Variants in PBX3 observed in about 807,000 individuals in gnomAD.
PBX3 encodes the protein pre-B-cell leukemia transcription factor 3.
PBX3 carries 14 observed loss-of-function variants against 48.5 expected under a neutral mutation model. The ratio of observed to expected loss-of-function variants is 0.29; its 90% confidence interval spans 0.19 to 0.45. The LOEUF is 0.45. PBX3 is among the 20% of genes least tolerant of loss of function. The probability of loss-of-function intolerance (pLI) is 1.00; values close to 1 mark genes in which losing one functional copy is unlikely to be tolerated. For synonymous variants in PBX3, 210 were observed against 200.3 expected (o/e 1.05, Z -0.41); for missense variants, 386 against 546.7 (o/e 0.71, Z 2.93).
intron 5 of PBX3, among the ~76,000 whole-genome samples, chr9:125,959,305 T>C (rs1842376026): frequency 6.6e-6 from 1 of 152,254 alleles, no homozygotes; most frequent in Non-Finnish European, 1.5e-5. Flanking sequence ...ATTTACTTCC[T>C]GATGGGCTTT....
At chr9:125,872,185 C>T (rs1006671894) in intron 2 of PBX3, among the ~76,000 whole-genome samples, 1 of 151,976 alleles carries the variant, frequency 6.6e-6, no homozygotes, top group African/African-American at 2.4e-5. Context: ...ATAGAAGAAA[C>T]AAAAGCAGGG....
intron 2 of PBX3, among the ~76,000 whole-genome samples, chr9:125,866,218 T>C (rs965898578): frequency 1.3e-5 from 2 of 152,198 alleles, no homozygotes; most frequent in African/African-American, 4.8e-5. Flanking sequence ...TATCTTTCCA[T>C]GTTAGCAAGT....
chr9:125,962,187 C>G lies in PBX3; in HGVS notation c.1095C>G (p.Ser365=). Residue 365 remains serine, a synonymous_variant, in exon 7 of 9, where the codon TCC becomes TCG. Transcript: ENST00000373489. ...QSLNGDSYQG[S]QVGANVQSQV... is the part of the protein sequence containing the mutation. ...TGAATGGGGATTCTTACCAAGGGTC[C>G]CAAGTCGGAGCCAATGTGCAATCAC... The G allele has an allele frequency of 1.2e-6, 2 of 1,610,752 alleles. No individual in the cohort carries two copies. The highest frequency in any genetic ancestry group is 1.7e-6 in the Non-Finnish European group (2 of 1,177,006).
intron 2 of PBX3, among the ~76,000 whole-genome samples, chr9:125,838,091 C>T (rs554640055): frequency 6.6e-6 from 1 of 152,264 alleles, no homozygotes; most frequent in African/African-American, 2.4e-5. Flanking sequence ...GGGTTTTGTT[C>T]TATCATCCAG....
chr9:125,770,767 G>T (rs1434196389), intron 2 of PBX3, among the ~76,000 whole-genome samples: 1 of 152,068 alleles, frequency 6.6e-6, no homozygotes, highest in Non-Finnish European at 1.5e-5. Flanking sequence ...TATGTATTTT[G>T]GAAATATTTG....
chr9:125,794,602 A>T (rs1178182717), intron 2 of PBX3, among the ~76,000 whole-genome samples: 1 of 152,098 alleles, frequency 6.6e-6, no homozygotes, highest in East Asian at 1.9e-4. Context: ...CTGAGAACAA[A>T]ATAACAAAAC....
rs1450846210 is a variant in PBX3 at position 125,779,956 on chromosome 9, C to T, written c.274+31333C>T. ...CGGGGGGCTGACCCCCCACCTCCCT[C>T]CCGGACGGGGCGGCTGGCCGGGCAG... On this transcript the variant is annotated intron_variant, in intron 2 of 8. Transcript: ENST00000373489. Among the ~76,000 whole-genome samples the T allele has an allele frequency of 7.0e-3, 885 of 126,126 alleles. 10 individuals carry two copies. Among genetic ancestry groups the T allele is most frequent in the African/African-American group, 0.026 (850 of 33,020 alleles). 82.7% of individuals were successfully genotyped at this position (126,126 alleles called of 152,430 possible).
intron 2 of PBX3, among the ~76,000 whole-genome samples, chr9:125,829,697 C>G (rs2132186148): frequency 6.6e-6 from 1 of 152,156 alleles, no homozygotes; most frequent in East Asian, 1.9e-4. Flanking sequence ...AGCAACAAAG[C>G]AGTAATATTT....
intron 2 of PBX3, chr9:125,749,415 C>T (rs1836303868): frequency 6.6e-6 from 1 of 152,166 alleles, no homozygotes; most frequent in South Asian, 2.1e-4. Flanking sequence ...AATTGAAGGT[C>T]TTTCAGTCTT....
chr9:125,772,202 A>G (rs1369052355), intron 2 of PBX3, among the ~76,000 whole-genome samples: 2 of 152,274 alleles, frequency 1.3e-5, no homozygotes, highest in Non-Finnish European at 2.9e-5. Flanking sequence ...GTGAAGTATT[A>G]AGGAATAATA....
intron 2 of PBX3, among the ~76,000 whole-genome samples, chr9:125,792,033 T>C (rs941339915): frequency 4.4e-5 from 6 of 137,374 alleles, no homozygotes; most frequent in Admixed American, 3.8e-4. Flanking sequence ...GGATTAATAC[T>C]ACACACACAC....
rs1836227956 is a variant in PBX3 at position 125,747,625 on chromosome 9, G to T, written c.172G>T (p.Asp58Tyr). 4 of 1,597,586 alleles carry T rather than the reference G, an allele frequency of 2.5e-6. No individual in the cohort carries two copies. Among genetic ancestry groups the T allele is most frequent in the Non-Finnish European group, 3.4e-6 (4 of 1,172,406 alleles). Reference protein sequence around the residue: ...DILHQIMTITDQSLDEAQAKK... With the variant: ...DILHQIMTITYQSLDEAQAKK... ...CCTCCACCAGATCATGACCATCACC[G>T]ACCAGAGCTTGGACGAGGCGCAAGC... The change falls in exon 1 of 9, where the codon GAC becomes TAC. Residue 58 changes from aspartate (D) to tyrosine (Y), a missense_variant. By Grantham distance (160) the Asp-to-Tyr change is radical (BLOSUM62 -3). Around this residue, in one of 4 missense-constraint regions of PBX3, gnomAD observed 116 missense variants for 98.2 expected, o/e 1.18. Transcript: ENST00000373489.
chr9:125,795,712 A>G (rs995463188), intron 2 of PBX3, among the ~76,000 whole-genome samples: 2 of 152,198 alleles, frequency 1.3e-5, no homozygotes, highest in African/African-American at 2.4e-5. Context: ...TGGGCCATTA[A>G]CACCAATACA....
chr9:125,813,488 G>C (rs548955082), intron 2 of PBX3, among the ~76,000 whole-genome samples: 1 of 152,108 alleles, frequency 6.6e-6, no homozygotes, highest in Non-Finnish European at 1.5e-5. Context: ...TCATTTAAAC[G>C]CATCAAGATA....
intron 2 of PBX3, among the ~76,000 whole-genome samples, chr9:125,824,940 T>G (rs1467444830): frequency 1.3e-5 from 2 of 152,170 alleles, no homozygotes; most frequent in Admixed American, 6.5e-5. Flanking sequence ...CCACTGATTC[T>G]CGGACTTTTT....
intron 2 of PBX3, among the ~76,000 whole-genome samples, chr9:125,803,777 A>G (rs950574783): frequency 6.6e-6 from 1 of 152,248 alleles, no homozygotes; most frequent in Non-Finnish European, 1.5e-5. Context: ...TAATAGACAT[A>G]CAATAAACTG....
chr9:125,946,641 A>G (rs1429826368), intron 5 of PBX3, among the ~76,000 whole-genome samples: 1 of 152,188 alleles, frequency 6.6e-6, no homozygotes, highest in East Asian at 1.9e-4. Context: ...GGACTGGAAG[A>G]AGAGTCCCAA....
chr9:125,943,277 G>A (rs1288672282), intron 5 of PBX3, among the ~76,000 whole-genome samples: 1 of 148,102 alleles, frequency 6.8e-6, no homozygotes, highest in East Asian at 2.0e-4. Flanking sequence ...AATCACTTGA[G>A]CCTAGAGGTG....
Position 125,748,640 on chromosome 9 carries a change from C to G in PBX3, c.274+17C>G. ...AGAAAACAGGTAAGACGCTGCGCCCCGCAGTGGGCCTGGAGACCCCCGAGG... is the reference window on the plus strand; with the variant it reads ...AGAAAACAGGTAAGACGCTGCGCCCGGCAGTGGGCCTGGAGACCCCCGAGG... On this transcript the variant is annotated intron_variant, in intron 2 of 8. Transcript: ENST00000373489. The G allele has an allele frequency of 1.2e-6, 2 of 1,608,570 alleles. No homozygotes were observed. Among genetic ancestry groups the G allele is most frequent in the Non-Finnish European group, 1.7e-6 (2 of 1,176,496 alleles).
Sources: gnomAD v4.1 joint callset for allele counts (sites outside exome capture counted in the v4.1 genomes callset) on GRCh38, gnomAD v4.1.1 for gene constraint, gnomAD v4.1.1 regional missense constraint, MANE v1.5 for transcripts, NCBI Gene and HGNC (gene_info 2026-07-23, HGNC 2026-07-21) for gene names.